Variants in DISC1 observed in about 807,000 individuals in gnomAD.
DISC1 encodes the protein DISC1 scaffold protein, also known as disrupted in schizophrenia 1 protein.
DISC1 carries 57 observed loss-of-function variants against 84.5 expected under a neutral mutation model. The observed-to-expected ratio is 0.67, with a 90% confidence interval of 0.55 to 0.84. DISC1 has a LOEUF of 0.84. Ranked by LOEUF, DISC1 falls within the 40% of genes least tolerant of loss-of-function variation. DISC1 has a pLI of 0.00. For missense variants in DISC1, 1,000 were observed against 1,057.8 expected, an observed-to-expected ratio of 0.95 and a Z score of 0.76; for synonymous variants, 411 against 415.2, an observed-to-expected ratio of 0.99 and a Z score of 0.12.
chr1:231,772,764 C>G (rs568503799), intron 6 of DISC1, among the ~76,000 whole-genome samples: 1 of 152,172 alleles, frequency 6.6e-6, no homozygotes, highest in African/African-American at 2.4e-5. Context: ...TTCTGTCTTC[C>G]ACATGTATCA....
At chr1:231,811,299 G>A (rs200146348) in intron 8 of DISC1, among the ~76,000 whole-genome samples, 25 of 152,118 alleles carry the variant, frequency 1.6e-4, no homozygotes, top group Non-Finnish European at 3.5e-4. Context: ...CAGTTGGCTG[G>A]GGCTTCTTGG....
intron 9 of DISC1, among the ~76,000 whole-genome samples, chr1:231,867,503 G>A (rs757844171): frequency 2.6e-5 from 4 of 152,162 alleles, no homozygotes; most frequent in Non-Finnish European, 5.9e-5. Flanking sequence ...GAGAGCGCCT[G>A]TTCCAGCCAT....
At chr1:231,702,244 A>G in intron 3 of DISC1, 1 of 1,255,222 alleles carries the variant, frequency 8.0e-7, no homozygotes, top group Non-Finnish European at 1.0e-6. Context: ...AACCTTATCA[A>G]TTGTCCAGAA....
At chr1:231,632,224 T>A (rs1025846970) in intron 1 of DISC1, among the ~76,000 whole-genome samples, 2 of 152,230 alleles carry the variant, frequency 1.3e-5, no homozygotes, top group Non-Finnish European at 2.9e-5. Flanking sequence ...AATGACCTAA[T>A]GACACATTTC....
chr1:232,003,264 T>C (rs190033102), intron 10 of DISC1, among the ~76,000 whole-genome samples: 234 of 152,118 alleles, frequency 1.5e-3, no homozygotes, highest in Non-Finnish European at 2.5e-3. Context: ...GCAAATAAAC[T>C]GAAAACATAG....
rs144250348 is a variant in DISC1, at chr1:231,733,230, T to C, written c.1118-16696T>C. Among the ~76,000 whole-genome samples the C allele has an allele frequency of 3.2e-3, 466 of 145,466 alleles. 1 individual carries two copies. The highest frequency in any genetic ancestry group is 0.011 in the African/African-American group (434 of 38,780). ...AAGAGTGTAGGAGTGTTGTTGGTGA[T>C]GGTAGGTAGGAGTGGTGGTGATGGT... On this transcript the variant is annotated intron_variant, in intron 3 of 12. Transcript: ENST00000439617.
intron 4 of DISC1, among the ~76,000 whole-genome samples, chr1:231,753,936 T>C (rs1432612027): frequency 6.6e-6 from 1 of 152,216 alleles, no homozygotes; most frequent in African/African-American, 2.4e-5. Flanking sequence ...AGCCAAGTTC[T>C]TTGCTAAGCA....
chr1:232,008,938 T>TC lies in DISC1; in HGVS notation c.2202dup (p.Arg735GlnfsTer7), dbSNP rs773042612. 4 of 1,613,394 alleles carry TC rather than the reference T, an allele frequency of 2.5e-6. No homozygotes were observed. The highest frequency in any genetic ancestry group is 2.2e-5 in the East Asian group (1 of 44,824). On this transcript the variant is annotated frameshift_variant, in exon 11 of 13. Transcript: ENST00000439617. LOFTEE classifies it high-confidence loss of function. ...ACTTAGAGGGAGCTGCTCCTCCTAT[T>TC]CCCCCCAGGCTCCACTCCGAGGATA...
At chr1:231,871,979 G>A (rs1383333627) in intron 9 of DISC1, among the ~76,000 whole-genome samples, 1 of 152,210 alleles carries the variant, frequency 6.6e-6, no homozygotes, top group African/African-American at 2.4e-5. Flanking sequence ...CTGTACCACA[G>A]TGGACACCTG....
At chr1:231,941,622 G>A (rs80101726) in intron 9 of DISC1, among the ~76,000 whole-genome samples, 1 of 151,800 alleles carries the variant, frequency 6.6e-6, no homozygotes, top group Non-Finnish European at 1.5e-5. Context: ...ACAGGTGCAC[G>A]CCACCATGCC....
At chr1:231,687,984 T>A (rs1002296793) in intron 1 of DISC1, among the ~76,000 whole-genome samples, 1 of 151,856 alleles carries the variant, frequency 6.6e-6, no homozygotes, top group Non-Finnish European at 1.5e-5. Context: ...AAAAAAATCA[T>A]AGGGAAAATT....
rs559661380 is a variant in DISC1 at position 231,654,131 on chromosome 1, T to C, written c.67+27197T>C. 5.3e-5 allele frequency among the ~76,000 whole-genome samples: 8 copies of C among 152,352 alleles called. No individual in the cohort carries two copies. In the East Asian group the frequency reaches 1.5e-3, roughly 29 times the overall value. On this transcript the variant is annotated intron_variant, in intron 1 of 12. Coordinates refer to ENST00000439617, the MANE Select transcript of DISC1 (RefSeq NM_018662.3). The stretch of plus-strand genomic sequence containing the variant: ...CTTCTTGCACTTTATTCTCAATGGC[T>C]ACGTTTGAAGTGATTGCAGGGGAGT...
At chr1:232,007,624 C>G (rs558615519) in intron 10 of DISC1, among the ~76,000 whole-genome samples, 113 of 152,190 alleles carry the variant, frequency 7.4e-4, no homozygotes, top group African/African-American at 2.5e-3. Flanking sequence ...TTTACAGGCT[C>G]CTAGGTGGAA....
chr1:231,664,568 CAG>C lies in DISC1; in HGVS notation c.68-29250_68-29249del, dbSNP rs562709512. Among the ~76,000 whole-genome samples the C allele has an allele frequency of 1.3e-3, 195 of 152,232 alleles. 4 individuals are homozygous for C. Among genetic ancestry groups the C allele is most frequent in the African/African-American group, 4.5e-3 (187 of 41,550 alleles). ...GAAAGAGGGAGGCAGGAGTCAAAGT[CAG>C]AGAGAGATTTGAAGATGCTCAACTG... On this transcript the variant is annotated intron_variant, in intron 1 of 12. Coordinates refer to ENST00000439617, the MANE Select transcript of DISC1 (RefSeq NM_018662.3).
At position 232,008,837 on chromosome 1, in the gene DISC1, C is replaced by T. The variant is rs190975963; in HGVS notation, c.2095C>T (p.Arg699Ter). The T allele has an allele frequency of 2.8e-5, 45 of 1,605,792 alleles. No individual in the cohort carries two copies. The highest frequency in any genetic ancestry group is 3.6e-5 in the Non-Finnish European group (42 of 1,175,014). ...GTGGGAAGCTGACTTGGAAGCTTGT[C>T]GATTGCTTATCCAGAGCCTACAGCT... ...KVWEADLEACRLLIQSLQLQE... is the reference protein window; with the variant it reads ...KVWEADLEAC The change falls in exon 11 of 13, where the codon CGA becomes TGA. Residue 699 changes from arginine (R) to a stop codon, truncating the protein, a stop_gained. Transcript: ENST00000439617. LOFTEE classifies it high-confidence loss of function.
chr1:231,891,887 C>T (rs571275884), intron 9 of DISC1, among the ~76,000 whole-genome samples: 3 of 152,282 alleles, frequency 2.0e-5, no homozygotes, highest in Admixed American at 6.5e-5. Flanking sequence ...TGCGGCCTTC[C>T]CCTTTCTACA....
intron 9 of DISC1, among the ~76,000 whole-genome samples, chr1:231,886,489 C>T (rs1034731279): frequency 6.6e-6 from 1 of 152,176 alleles, no homozygotes; most frequent in Non-Finnish European, 1.5e-5. Context: ...TTTCACTCCT[C>T]CTTCCCCCAG....
chr1:232,035,608 T>C (rs1572711793), intron 12 of DISC1, among the ~76,000 whole-genome samples: 2 of 152,216 alleles, frequency 1.3e-5, no homozygotes, highest in South Asian at 4.1e-4. Flanking sequence ...TCCCTCCATG[T>C]CTGATCTAGT....
At chr1:231,990,927 C>T (rs1295962877) in intron 10 of DISC1, among the ~76,000 whole-genome samples, 2 of 152,180 alleles carry the variant, frequency 1.3e-5, no homozygotes, top group South Asian at 2.1e-4. Context: ...ATACCAGATA[C>T]GAGGGAGAGC....
Sources: allele counts gnomAD v4.1 joint callset (sites outside exome capture counted in the v4.1 genomes callset), GRCh38; gene constraint gnomAD v4.1.1; transcripts MANE v1.5; gene names NCBI Gene and HGNC (gene_info 2026-07-23, HGNC 2026-07-21).